SLC13A4: variants seen among roughly 807,000 people sequenced by gnomAD.
SLC13A4 encodes the protein solute carrier family 13 member 4, also known as Na(+)/sulfate cotransporter SUT-1.
SLC13A4 carries 28 observed loss-of-function variants against 72.7 expected under a neutral mutation model. The ratio of observed to expected loss-of-function variants is 0.39; its 90% confidence interval spans 0.29 to 0.53. SLC13A4 has a LOEUF of 0.53. SLC13A4 is among the 20% of genes least tolerant of loss of function. The pLI, the probability that SLC13A4 is intolerant of heterozygous loss-of-function variation, is 0.78. For synonymous variants in SLC13A4, 312 were observed against 325.5 expected (o/e 0.96, Z 0.45); for missense variants, 653 against 788.0 (o/e 0.83, Z 2.05).
chr7:135,685,584 C>T lies in SLC13A4; in HGVS notation c.1546G>A (p.Val516Ile). 2 of 1,614,184 alleles carry T rather than the reference C, an allele frequency of 1.2e-6. No homozygotes were observed. Reference sequence around the variant, plus strand: ...GCTGGGTTGCTCACAAACTCAGTGACAATGGACACGAGGATGCATGCCAGC... The same window carrying T: ...GCTGGGTTGCTCACAAACTCAGTGATAATGGACACGAGGATGCATGCCAGC... Reference protein sequence around the residue: ...TLLACILVSIVTEFVSNPATI... With the variant: ...TLLACILVSIITEFVSNPATI... Residue 516 changes from valine (V) to isoleucine (I), a missense_variant, in exon 14 of 16, where the codon GTC (valine) becomes ATC (isoleucine). By Grantham distance (29) the Val-to-Ile change is conservative. Transcript: ENST00000682651.
chr7:135,692,517 C>G, intron 10 of SLC13A4, 93 bp from the exon 11 acceptor site: 3 of 832,788 alleles, frequency 3.6e-6, no homozygotes, highest in Non-Finnish European at 5.7e-6. Flanking sequence ...TTTAGAGTTT[C>G]AATACCCTAG....
intron 14 of SLC13A4, among the ~76,000 whole-genome samples, chr7:135,684,471 T>A (rs930440243): frequency 6.6e-6 from 1 of 152,184 alleles, no homozygotes; most frequent in Non-Finnish European, 1.5e-5. Flanking sequence ...CATGGAAATA[T>A]GGCTTTGAGT....
intron 13 of SLC13A4, among the ~76,000 whole-genome samples, chr7:135,685,945 C>T (rs1279675867): frequency 6.6e-6 from 1 of 152,232 alleles, no homozygotes; most frequent in African/African-American, 2.4e-5. Context: ...TTGCCATGAT[C>T]CTTCTTAGGA....
At chr7:135,713,687 C>T (rs1796354718) in intron 2 of SLC13A4, among the ~76,000 whole-genome samples, 1 of 152,106 alleles carries the variant, frequency 6.6e-6, no homozygotes, top group African/African-American at 2.4e-5. Flanking sequence ...AAATGATTCT[C>T]CTGCCTCAGC....
At chr7:135,692,595 GC>G in intron 10 of SLC13A4, 171 bp from the exon 11 acceptor site, 1 of 581,828 alleles carries the variant, frequency 1.7e-6, no homozygotes, top group South Asian at 2.2e-5. Flanking sequence ...AGACTGAGTG[GC>G]CCCAGAAAAC....
intron 13 of SLC13A4, among the ~76,000 whole-genome samples, chr7:135,687,881 G>A (rs903472983): frequency 6.6e-6 from 1 of 152,122 alleles, no homozygotes; most frequent in Admixed American, 6.6e-5. Context: ...CACCATCTCA[G>A]CTCACTGCAA....
Position 135,708,225 on chromosome 7 carries a change from G to A in SLC13A4, c.254C>T (p.Thr85Ile), listed in dbSNP as rs370869102. Residue 85 changes from threonine to isoleucine, a missense_variant, in exon 3 of 16, where the codon ACC becomes ATC. Coordinates refer to ENST00000682651, the MANE Select transcript of SLC13A4 (RefSeq NM_001318192.2). Reference sequence around the variant, plus strand: ...GATGACCCCCACCAGCAGCAGCGTGGTGTTCTTGAAGTACTCCGCCGCCAC... The same window carrying A: ...GATGACCCCCACCAGCAGCAGCGTGATGTTCTTGAAGTACTCCGCCGCCAC... ...NEVAAEYFKN[T>I]TLLLVGVICV... 3.5e-5 allele frequency: 56 copies of A among 1,614,116 alleles called. No individual in the cohort carries two copies. Among genetic ancestry groups the A allele is most frequent in the Non-Finnish European group, 4.5e-5 (53 of 1,180,044 alleles).
intron 8 of SLC13A4, among the ~76,000 whole-genome samples, chr7:135,698,844 A>C (rs1795964848): frequency 6.6e-6 from 1 of 151,938 alleles, no homozygotes; most frequent in South Asian, 2.1e-4. Context: ...CATGTTGGTC[A>C]GGCTGGTCTA....
intron 2 of SLC13A4, among the ~76,000 whole-genome samples, chr7:135,716,666 A>G (rs908939931): frequency 1.3e-5 from 2 of 152,204 alleles, no homozygotes; most frequent in African/African-American, 4.8e-5. Flanking sequence ...GGGGGTTAAG[A>G]GCTCAAGTTC....
intron 2 of SLC13A4, among the ~76,000 whole-genome samples, chr7:135,709,320 CTT>C (rs371526933): frequency 6.9e-6 from 1 of 145,942 alleles, no homozygotes; most frequent in South Asian, 2.2e-4. Flanking sequence ...CCTATACACT[CTT>C]TTTTTTTTTC....
chr7:135,718,395 C>T (rs1796477303), intron 2 of SLC13A4, among the ~76,000 whole-genome samples: 1 of 152,170 alleles, frequency 6.6e-6, no homozygotes, highest in Non-Finnish European at 1.5e-5. Context: ...GATGACATTA[C>T]TGACACATTG....
At chr7:135,709,430 A>ATT (rs760725826) in intron 2 of SLC13A4, among the ~76,000 whole-genome samples, 5 of 105,858 alleles carry the variant, frequency 4.7e-5, no homozygotes, top group African/African-American at 1.6e-4. Flanking sequence ...TTTTTTAAAA[A>ATT]AAAATTTGAG....
At chr7:135,718,804 C>T (rs1796483602) in intron 2 of SLC13A4, among the ~76,000 whole-genome samples, 1 of 152,118 alleles carries the variant, frequency 6.6e-6, no homozygotes, top group South Asian at 2.1e-4. Flanking sequence ...GAGCACCAGC[C>T]TAGCTTCCCC....
intron 13 of SLC13A4, among the ~76,000 whole-genome samples, chr7:135,686,305 A>G (rs1382076469): frequency 6.6e-6 from 1 of 152,170 alleles, no homozygotes; most frequent in Non-Finnish European, 1.5e-5. Context: ...GAGGCTGGTC[A>G]TTCAGCCCCA....
At position 135,695,480 on chromosome 7, in the gene SLC13A4, G is replaced by A. The variant is rs1275453049; in HGVS notation, c.907C>T (p.Pro303Ser). 3.7e-6 allele frequency: 6 copies of A among 1,614,018 alleles called. No individual in the cohort carries two copies. The highest frequency in any genetic ancestry group is 5.1e-6 in the Non-Finnish European group (6 of 1,179,898). Residue 303 changes from proline (P) to serine (S), a missense_variant, in exon 9 of 16, where the codon CCA becomes TCA. Physicochemically the swap from Pro to Ser is moderately conservative, Grantham distance 74. Transcript: ENST00000682651. The stretch of plus-strand genomic sequence containing the variant: ...CCAAAGTTCACCACCTCTGCGGCTG[G>A]ATACTGGCTGGAGGGTAAAGAACCA... ...IFLEHFNNQY[P>S]AAEVVNFGTW...
chr7:135,699,186 C>T (rs188547815), intron 8 of SLC13A4, among the ~76,000 whole-genome samples, 178 bp downstream of exon 8: 566 of 152,326 alleles, frequency 3.7e-3, no homozygotes, highest in African/African-American at 0.013. Flanking sequence ...AGCAATCCCC[C>T]CGCTTTGCCC....
Position 135,695,504 on chromosome 7 carries a change from C to A in SLC13A4, c.900-17G>T, listed in dbSNP as rs1795881286. On this transcript the variant is annotated splice_polypyrimidine_tract_variant and intron_variant, in intron 8 of 15. Coordinates refer to ENST00000682651, the MANE Select transcript of SLC13A4 (RefSeq NM_001318192.2). ...GGATACTGGCTGGAGGGTAAAGAACCAGGTCAGCAATTAGAAAGGGAGGGT... is the reference window on the plus strand; with the variant it reads ...GGATACTGGCTGGAGGGTAAAGAACAAGGTCAGCAATTAGAAAGGGAGGGT... The A allele has an allele frequency of 6.2e-7, 1 of 1,612,012 alleles. No homozygotes were observed. The highest frequency in any genetic ancestry group is 1.3e-5 in the African/African-American group (1 of 74,872).
rs1796690891 is a variant in SLC13A4 at position 135,727,472 on chromosome 7, G to A, written c.25C>T (p.Arg9Ter). The A allele has an allele frequency of 6.4e-7, 1 of 1,550,430 alleles. No homozygotes were observed. Among genetic ancestry groups the A allele is most frequent in the Non-Finnish European group, 8.7e-7 (1 of 1,146,858 alleles). MGLLQGLLRVRKLLLVVCV... is the reference protein window; with the variant it reads MGLLQGLL ...ACGACCAGCAGCAGCTTCCGGACTC[G>A]GAGCAGGCCCTGCAGCAGGCCCATC... The change falls in exon 1 of 16, where the codon CGA becomes TGA. Residue 9 changes from arginine to a stop codon, truncating the protein, a stop_gained. Coordinates refer to ENST00000682651, the MANE Select transcript of SLC13A4 (RefSeq NM_001318192.2). LOFTEE classifies it high-confidence loss of function.
In SLC13A4 at chr7:135,727,650, T is replaced by C. The variant is rs1356745024; in HGVS notation, c.-154A>G. 3.4e-6 allele frequency: 3 copies of C among 878,804 alleles called. No homozygotes were observed. The highest frequency in any genetic ancestry group is 5.0e-6 in the Non-Finnish European group (3 of 601,676). 54.4% of individuals were successfully genotyped at this position (878,804 alleles called of 1,614,324 possible). On this transcript the variant is annotated 5_prime_UTR_variant, in exon 1 of 16. The change creates a new upstream start codon in the 5' untranslated region. Coordinates refer to ENST00000682651, the MANE Select transcript of SLC13A4 (RefSeq NM_001318192.2). Reference sequence around the variant, plus strand: ...CTTGGGGGCAGAACGGGAGGGCAGTTATACCCTCGCTGTTTCTACAAGAGG... The same window carrying C: ...CTTGGGGGCAGAACGGGAGGGCAGTCATACCCTCGCTGTTTCTACAAGAGG...
Sources: allele counts gnomAD v4.1 joint callset (sites outside exome capture counted in the v4.1 genomes callset), GRCh38; gene constraint gnomAD v4.1.1; transcripts MANE v1.5; gene names NCBI Gene and HGNC (gene_info 2026-07-23, HGNC 2026-07-21).